FBLN2: variants seen among roughly 807,000 people sequenced by gnomAD.
FBLN2 encodes fibulin-2.
In FBLN2, 81 loss-of-function variants were observed where a neutral mutation model predicts 123.7. The observed-to-expected ratio is 0.65, with a 90% CI of 0.55 to 0.79. FBLN2 has a LOEUF of 0.79. FBLN2 is among the 30% of genes least tolerant of loss of function. The pLI is 0.00. For missense variants in FBLN2, 1,603 were observed against 1,681.3 expected, an observed-to-expected ratio of 0.95 and a Z score of 0.81; for synonymous variants, 699 against 701.4, an observed-to-expected ratio of 1.00 and a Z score of 0.05.
intron 16 of FBLN2, among the ~76,000 whole-genome samples, chr3:13,635,745 G>A (rs543608724): frequency 5.3e-5 from 8 of 152,200 alleles, no homozygotes; most frequent in Non-Finnish European, 1.2e-4. Flanking sequence ...GCTCCATGCA[G>A]GCACTCCACT....
intron 2 of FBLN2, among the ~76,000 whole-genome samples, chr3:13,600,546 C>T (rs1233810583): frequency 6.6e-6 from 1 of 151,844 alleles, no homozygotes; most frequent in Admixed American, 6.6e-5. Context: ...GACATGGGGA[C>T]GCTCAGGCCT....
chr3:13,561,536 G>A (rs150372365), intron 1 of FBLN2, among the ~76,000 whole-genome samples: 16 of 152,230 alleles, frequency 1.1e-4, no homozygotes, highest in Admixed American at 8.5e-4. Flanking sequence ...CTGCCTCAGG[G>A]CTTTTGCACA....
chr3:13,569,938 G>A (rs532290770), intron 1 of FBLN2, among the ~76,000 whole-genome samples: 4 of 152,184 alleles, frequency 2.6e-5, no homozygotes, highest in East Asian at 3.9e-4. Context: ...ATTGCCTGAC[G>A]TGCCCTGGTG....
intron 2 of FBLN2, among the ~76,000 whole-genome samples, chr3:13,582,063 G>C (rs1382494144): frequency 6.6e-6 from 1 of 152,144 alleles, no homozygotes; most frequent in Non-Finnish European, 1.5e-5. Context: ...CTTCCTCCCA[G>C]AGCTGTGTTC....
At chr3:13,590,560 A>C (rs1284017269) in intron 2 of FBLN2, among the ~76,000 whole-genome samples, 1 of 152,030 alleles carries the variant, frequency 6.6e-6, no homozygotes, top group Non-Finnish European at 1.5e-5. Context: ...TCCTGACCTC[A>C]AATGATCTAC....
intron 13 of FBLN2, among the ~76,000 whole-genome samples, 186 bp from the exon 14 acceptor site, chr3:13,629,634 T>C (rs1309148675): frequency 6.6e-6 from 1 of 152,180 alleles, no homozygotes; most frequent in African/African-American, 2.4e-5. Context: ...CTTCCTCCAA[T>C]ACCCTTGCTG....
chr3:13,587,270 T>C (rs561589193), intron 2 of FBLN2, among the ~76,000 whole-genome samples: 1 of 152,100 alleles, frequency 6.6e-6, no homozygotes, highest in African/African-American at 2.4e-5. Context: ...GTAAGCGTTA[T>C]TACAAAAGGG....
intron 2 of FBLN2, 134 bp downstream of exon 2, chr3:13,571,795 G>A (rs1466869459): frequency 2.9e-6 from 3 of 1,032,890 alleles, no homozygotes; most frequent in Non-Finnish European, 2.7e-6. Flanking sequence ...GGCCACCCCA[G>A]GCCCTTGGTT....
Position 13,636,560 on chromosome 3 carries a change from C to A in FBLN2, c.3330C>A (p.Val1110=), listed in dbSNP as rs746401754. The change falls in exon 17 of 18, where the codon GTC becomes GTA. Residue 1110 remains valine, a synonymous_variant. Coordinates refer to ENST00000404922, the MANE Select transcript of FBLN2 (RefSeq NM_001004019.2). ...AGTGTCCTCCCAACTATGTCCAAGTCTCCAAAACGTGAGTGTCCCCACCCC... is the reference window on the plus strand; with the variant it reads ...AGTGTCCTCCCAACTATGTCCAAGTATCCAAAACGTGAGTGTCCCCACCCC... ...RFECPPNYVQ[V]SKTKCERTTC... is the part of the protein sequence containing the mutation. 5 of 1,613,220 alleles carry A rather than the reference C, an allele frequency of 3.1e-6. No homozygotes were observed. In the African/African-American group the frequency reaches 6.7e-5, roughly 22 times the overall value.
intron 14 of FBLN2, 31 bp downstream of exon 14, chr3:13,629,976 C>T (rs765013798): frequency 1.9e-5 from 31 of 1,606,548 alleles, no homozygotes; most frequent in Middle Eastern, 1.6e-4. Flanking sequence ...GACCCTATGC[C>T]GCCTGGTATC....
intron 1 of FBLN2, among the ~76,000 whole-genome samples, chr3:13,561,548 A>G (rs1703607104): frequency 6.6e-6 from 1 of 151,962 alleles, no homozygotes; most frequent in Non-Finnish European, 1.5e-5. Context: ...TTTTGCACAT[A>G]CTGTTAGTGC....
chr3:13,604,382 C>A (rs7610195), intron 2 of FBLN2, among the ~76,000 whole-genome samples: 58,671 of 151,912 alleles, frequency 0.39, 11,375 homozygotes, highest in African/African-American at 0.41. Context: ...ACATTTAAGT[C>A]TTTAATCCAT....
At chr3:13,607,391 A>T (rs1349755294) in intron 2 of FBLN2, among the ~76,000 whole-genome samples, 1 of 152,220 alleles carries the variant, frequency 6.6e-6, no homozygotes, top group African/African-American at 2.4e-5. Context: ...ACCATCATAA[A>T]GGTCTTCATC....
chr3:13,592,665 T>C (rs1212139013), intron 2 of FBLN2, among the ~76,000 whole-genome samples: 1 of 152,120 alleles, frequency 6.6e-6, no homozygotes, highest in Admixed American at 6.5e-5. Context: ...CTTTTGGGAG[T>C]GTTTTGTCAT....
intron 9 of FBLN2, among the ~76,000 whole-genome samples, chr3:13,625,413 T>C (rs963931813): frequency 1.3e-5 from 2 of 152,180 alleles, no homozygotes; most frequent in African/African-American, 4.8e-5. Flanking sequence ...ATCTCTCCCC[T>C]GGGTGGCCTC....
rs138266820 is a variant in FBLN2 at position 13,605,602 on chromosome 3, C to T, written c.1307-2460C>T. On this transcript the variant is annotated intron_variant, in intron 2 of 17. Coordinates refer to ENST00000404922, the MANE Select transcript of FBLN2 (RefSeq NM_001004019.2). ...CCCAGATTTTCCTCATCCTCCCCCCCAGTGATGGACACCCAGGCTGTCCGC... is the reference window on the plus strand; with the variant it reads ...CCCAGATTTTCCTCATCCTCCCCCCTAGTGATGGACACCCAGGCTGTCCGC... Among the ~76,000 whole-genome samples the T allele has an allele frequency of 7.6e-3, 1,163 of 152,310 alleles. 15 individuals carry two copies. Among genetic ancestry groups the T allele is most frequent in the African/African-American group, 0.027 (1,102 of 41,550 alleles).
At chr3:13,599,521 G>A (rs997147661) in intron 2 of FBLN2, among the ~76,000 whole-genome samples, 1 of 152,108 alleles carries the variant, frequency 6.6e-6, no homozygotes, top group African/African-American at 2.4e-5. Context: ...GGTCATAGGC[G>A]CAGGAGTGAT....
intron 9 of FBLN2, among the ~76,000 whole-genome samples, chr3:13,623,698 T>C (rs957628776): frequency 6.6e-6 from 1 of 152,252 alleles, no homozygotes; most frequent in Non-Finnish European, 1.5e-5. Flanking sequence ...CTGCCTGTGC[T>C]GAAATCCTGG....
At chr3:13,584,129 C>T (rs1471913964) in intron 2 of FBLN2, among the ~76,000 whole-genome samples, 1 of 152,176 alleles carries the variant, frequency 6.6e-6, no homozygotes, top group African/African-American at 2.4e-5. Flanking sequence ...TGGCATGGTC[C>T]AAGATTTTGG....
Sources: gnomAD v4.1 joint callset for allele counts (sites outside exome capture counted in the v4.1 genomes callset) on GRCh38, gnomAD v4.1.1 for gene constraint, MANE v1.5 for transcripts, NCBI Gene and HGNC (gene_info 2026-07-23, HGNC 2026-07-21) for gene names.